IFT122: variants seen among roughly 807,000 people sequenced by gnomAD.
The protein encoded by IFT122 is intraflagellar transport 122, also known as intraflagellar transport protein 122 homolog.
A neutral mutation model predicts 161.6 loss-of-function variants in IFT122; 118 were observed. The observed-to-expected ratio is 0.73, with a 90% CI of 0.63 to 0.85. IFT122 has a LOEUF of 0.85. Among genes scored for constraint, IFT122 ranks in the 40% least tolerant of loss-of-function variants. The pLI is 0.00. For synonymous variants in IFT122, 550 were observed against 602.4 expected (o/e 0.91, Z 1.27); for missense variants, 1,381 against 1,579.6 (o/e 0.87, Z 2.13).
intron 1 of IFT122, among the ~76,000 whole-genome samples, chr3:129,441,565 AG>A (rs1476657037): frequency 3.9e-5 from 6 of 152,202 alleles, no homozygotes; most frequent in Non-Finnish European, 8.8e-5. Flanking sequence ...TTTCAAGCTC[AG>A]GTCTTCCTCA....
chr3:129,470,602 ACT>A (rs34278576), intron 9 of IFT122, among the ~76,000 whole-genome samples: 3,965 of 150,386 alleles, frequency 0.026, 75 homozygotes, highest in Non-Finnish European at 0.042. Flanking sequence ...ACAGAGTCTC[ACT>A]CTGTCGCCTA....
Position 129,520,495 on chromosome 3 carries a change from T to C in IFT122, c.*230T>C. 3.3e-6 allele frequency: 2 copies of C among 606,498 alleles called. No individual in the cohort carries two copies. Among genetic ancestry groups the C allele is most frequent in the Non-Finnish European group, 5.9e-6 (2 of 337,084 alleles). 37.6% of individuals were successfully genotyped at this position (606,498 alleles called of 1,614,324 possible). A position where few individuals can be genotyped will look rare whatever the true frequency, so the allele number is the denominator to read the frequency against. Reference sequence around the variant, plus strand: ...TACATATATTTTCTAAGGAAAAAAATCTGTTACTTTCAGAACGGCTCCGAG... The same window carrying C: ...TACATATATTTTCTAAGGAAAAAAACCTGTTACTTTCAGAACGGCTCCGAG... On this transcript the variant is annotated 3_prime_UTR_variant, in exon 30 of 30. Transcript: ENST00000348417.
At chr3:129,464,047 C>T (rs1336509459) in intron 6 of IFT122, among the ~76,000 whole-genome samples, 4 of 152,214 alleles carry the variant, frequency 2.6e-5, no homozygotes, top group African/African-American at 7.2e-5. Flanking sequence ...TGGAGCTTTA[C>T]GTTCCTCATC....
chr3:129,511,638 T>C (rs2082843509), intron 23 of IFT122, among the ~76,000 whole-genome samples: 1 of 152,264 alleles, frequency 6.6e-6, no homozygotes, highest in Admixed American at 6.5e-5. Flanking sequence ...ATTTGTCTGC[T>C]GAGCTTCTGG....
At chr3:129,476,573 G>A (rs889323373) in intron 10 of IFT122, 67 bp downstream of exon 10, 45 of 1,612,986 alleles carry the variant, frequency 2.8e-5, no homozygotes, top group Non-Finnish European at 3.5e-5. Flanking sequence ...GCCGTGTCTC[G>A]AGTCACATCA....
At position 129,461,286 on chromosome 3, in the gene IFT122, T is replaced by C. The variant is rs2076189022; in HGVS notation, c.331T>C (p.Cys111Arg). 6.2e-7 allele frequency: 1 copy of C among 1,612,996 alleles called. No individual in the cohort carries two copies. Among genetic ancestry groups the C allele is most frequent in the Non-Finnish European group, 8.5e-7 (1 of 1,179,014 alleles). ...TCCTATTACTCATCAACTGGCATCTTGTTCCTCCAGTGACTTTGGTACGTT... is the reference window on the plus strand; with the variant it reads ...TCCTATTACTCATCAACTGGCATCTCGTTCCTCCAGTGACTTTGGTACGTT... ...YNPITHQLAS[C>R]SSSDFGLWSP... Residue 111 changes from cysteine to arginine, a missense_variant, in exon 5 of 30, where the codon TGT becomes CGT. This residue lies in a region of IFT122 where 134 missense variants were observed against 137.4 expected (regional missense o/e 0.98). Transcript: ENST00000348417.
chr3:129,444,003 C>G (rs2073624574), intron 1 of IFT122, among the ~76,000 whole-genome samples: 1 of 152,140 alleles, frequency 6.6e-6, no homozygotes. Context: ...AGCCACATAC[C>G]AAGGATGACT....
intron 26 of IFT122, among the ~76,000 whole-genome samples, chr3:129,516,171 A>G (rs1222761784): frequency 7.5e-6 from 1 of 133,080 alleles, no homozygotes; most frequent in African/African-American, 3.5e-5. Flanking sequence ...CCGCCCCTGC[A>G]CACACACACA....
chr3:129,517,336 C>T, intron 26 of IFT122, 133 bp from the exon 27 acceptor site: 2 of 1,080,258 alleles, frequency 1.9e-6, no homozygotes, highest in South Asian at 1.3e-5. Flanking sequence ...CAGAGACTGC[C>T]CCTGCTGCCT....
chr3:129,490,318 C>A (rs1399514476), intron 16 of IFT122, among the ~76,000 whole-genome samples: 2 of 152,182 alleles, frequency 1.3e-5, no homozygotes, highest in South Asian at 4.1e-4. Context: ...GCCAGGCACT[C>A]AGGCTCACCA....
chr3:129,497,567 C>A (rs978662061), intron 18 of IFT122, among the ~76,000 whole-genome samples: 2 of 152,186 alleles, frequency 1.3e-5, no homozygotes, highest in African/African-American at 4.8e-5. Context: ...GCTCTGAGGC[C>A]CCTCCTTACA....
intron 23 of IFT122, among the ~76,000 whole-genome samples, chr3:129,509,323 TCTC>T (rs61694557): frequency 0.091 from 13,793 of 152,218 alleles, 693 homozygotes; most frequent in South Asian, 0.13. Context: ...TTCGGCAACT[TCTC>T]CTGTAGTTGT....
chr3:129,496,616 G>A (rs1022389421), intron 18 of IFT122, among the ~76,000 whole-genome samples: 1 of 152,174 alleles, frequency 6.6e-6, no homozygotes, highest in African/African-American at 2.4e-5. Context: ...CCCTGGGGCT[G>A]AAGGTGTGTT....
In IFT122 at chr3:129,440,235, C is replaced by T; in HGVS notation, c.-96C>T. On this transcript the variant is annotated 5_prime_UTR_variant, in exon 1 of 30. Coordinates refer to ENST00000348417, the MANE Select transcript of IFT122 (RefSeq NM_052989.3). ...ACGTTGCCAGGGGTAACGCAGGTAG[C>T]CAAAGTGGCTTGTGGAGTGGCGACC... The T allele has an allele frequency of 6.7e-7, 1 of 1,495,160 alleles. No homozygotes were observed. The highest frequency in any genetic ancestry group is 9.1e-7 in the Non-Finnish European group (1 of 1,097,684). 92.6% of individuals were successfully genotyped at this position (1,495,160 alleles called of 1,614,324 possible).
chr3:129,492,620 C>A (rs528587111), intron 17 of IFT122, among the ~76,000 whole-genome samples: 1 of 152,146 alleles, frequency 6.6e-6, no homozygotes, highest in South Asian at 2.1e-4. Context: ...GCTCCATTCC[C>A]CAGAAATGGA....
intron 8 of IFT122, among the ~76,000 whole-genome samples, chr3:129,467,416 T>C (rs2076925935): frequency 6.6e-6 from 1 of 152,196 alleles, no homozygotes; most frequent in African/African-American, 2.4e-5. Flanking sequence ...TTTTTTTCAC[T>C]TAACATTATA....
In IFT122 at chr3:129,449,937, G is replaced by A; in HGVS notation, c.108G>A (p.Leu36=). ...TTTTGGCTGCCGGAAGCAGATTACT[G>A]GTAGGATTTTGTCTTAGTTTCCTCT... ...QLILAAGSRL[L]VYDTSDGTLL... is the part of the protein sequence containing the mutation. The change falls in exon 2 of 30, where the codon CTG becomes CTA. Residue 36 remains leucine (L), a splice_region_variant and synonymous_variant. Coordinates refer to ENST00000348417, the MANE Select transcript of IFT122 (RefSeq NM_052989.3). 1 of 1,605,912 alleles carries A rather than the reference G, an allele frequency of 6.2e-7. No homozygotes were observed. Among genetic ancestry groups the A allele is most frequent in the Non-Finnish European group, 8.5e-7 (1 of 1,172,812 alleles).
rs539011145 is a variant in IFT122, at chr3:129,513,808, A to G, written c.2988-581A>G. The G allele has an allele frequency of 1.9e-4, 39 of 205,102 alleles. 1 individual carries two copies. In the South Asian group the frequency reaches 3.1e-3, roughly 16 times the overall value. 12.7% of individuals were successfully genotyped at this position (205,102 alleles called of 1,614,324 possible). On this transcript the variant is annotated intron_variant, in intron 24 of 29. Coordinates refer to ENST00000348417, the MANE Select transcript of IFT122 (RefSeq NM_052989.3). Reference sequence around the variant, plus strand: ...GGGCAGGAGGGCCTGGGGGCAGCCAACATCGGAGGTGACCTGAGAGGAGAG... The same window carrying G: ...GGGCAGGAGGGCCTGGGGGCAGCCAGCATCGGAGGTGACCTGAGAGGAGAG...
chr3:129,451,631 A>C (rs1193565273), intron 2 of IFT122, among the ~76,000 whole-genome samples: 2 of 152,248 alleles, frequency 1.3e-5, no homozygotes, highest in African/African-American at 4.8e-5. Context: ...AATTCAGGTA[A>C]GGATGAGTAT....
Sources: gnomAD v4.1 joint callset for allele counts (sites outside exome capture counted in the v4.1 genomes callset) on GRCh38, gnomAD v4.1.1 for gene constraint, gnomAD v4.1.1 regional missense constraint, MANE v1.5 for transcripts, NCBI Gene and HGNC (gene_info 2026-07-23, HGNC 2026-07-21) for gene names.